Variants in NAPEPLD observed in about 807,000 individuals in gnomAD.
NAPEPLD encodes N-acyl phosphatidylethanolamine phospholipase D.
Under a neutral mutation model 38.1 loss-of-function variants are expected in NAPEPLD, and 23 were observed. The observed-to-expected ratio is 0.60, with a 90% CI of 0.43 to 0.86. The LOEUF (loss-of-function observed/expected upper bound fraction) is 0.86, where lower values mean the gene tolerates loss of function less well. Ranked by LOEUF, NAPEPLD falls within the 40% of genes least tolerant of loss-of-function variation. The pLI is 0.00. For missense variants in NAPEPLD, 411 were observed against 476.8 expected (o/e 0.86, Z 1.28); for synonymous variants, 147 against 162.0 (o/e 0.91, Z 0.71).
intron 3 of NAPEPLD, among the ~76,000 whole-genome samples, chr7:103,118,905 C>T (rs1806069154): frequency 1.3e-5 from 2 of 152,192 alleles, no homozygotes; most frequent in South Asian, 4.1e-4. Flanking sequence ...AGTAGTACAA[C>T]ACCACCATGA....
intron 4 of NAPEPLD, among the ~76,000 whole-genome samples, chr7:103,113,542 A>G (rs1021319618): frequency 9.3e-5 from 14 of 150,660 alleles, no homozygotes; most frequent in African/African-American, 2.9e-4. Flanking sequence ...AAGATGCCAC[A>G]GAAAGTAAAG....
At chr7:103,143,232 A>T (rs1172180238) in intron 1 of NAPEPLD, among the ~76,000 whole-genome samples, 1 of 152,190 alleles carries the variant, frequency 6.6e-6, no homozygotes, top group Non-Finnish European at 1.5e-5. Flanking sequence ...GTCTAAGAAT[A>T]AATAAATAAA....
chr7:103,123,638 A>G (rs1322079908), intron 2 of NAPEPLD, among the ~76,000 whole-genome samples: 1 of 152,242 alleles, frequency 6.6e-6, no homozygotes, highest in Non-Finnish European at 1.5e-5. Context: ...ACTAACTGCT[A>G]CTGGCTACGA....
chr7:103,129,889 CTCAA>C (rs1808569336), intron 1 of NAPEPLD, among the ~76,000 whole-genome samples: 1 of 152,190 alleles, frequency 6.6e-6, no homozygotes, highest in Non-Finnish European at 1.5e-5. Flanking sequence ...AACATCACAG[CTCAA>C]TCAATGTCAG....
chr7:103,127,021 A>G (rs2129530039), intron 2 of NAPEPLD: 1 of 152,264 alleles, frequency 6.6e-6, no homozygotes, highest in South Asian at 2.1e-4. Flanking sequence ...ACTATAACTA[A>G]TAGTCATTTT....
intron 4 of NAPEPLD, among the ~76,000 whole-genome samples, chr7:103,107,992 C>T (rs1803730179): frequency 6.6e-6 from 1 of 151,932 alleles, no homozygotes. Context: ...TAAAGGGCAA[C>T]CAGAGAGAAA....
At chr7:103,118,001 G>C (rs1412200343) in intron 3 of NAPEPLD, among the ~76,000 whole-genome samples, 1 of 152,090 alleles carries the variant, frequency 6.6e-6, no homozygotes, top group African/African-American at 2.4e-5. Flanking sequence ...TAGCCAACAT[G>C]GTGAAACCCT....
chr7:103,101,379 T>C lies in NAPEPLD; in HGVS notation c.*2050A>G, dbSNP rs1165928852. 6.6e-6 allele frequency: 1 copy of C among 152,192 alleles called. No homozygotes were observed. Among genetic ancestry groups the C allele is most frequent in the Non-Finnish European group, 1.5e-5 (1 of 68,038 alleles). 9.4% of individuals were successfully genotyped at this position (152,192 alleles called of 1,614,324 possible). On this transcript the variant is annotated 3_prime_UTR_variant, in exon 5 of 5. Transcript: ENST00000465647. ...CTTGACTGATTCGCATCTTTGTAGATAAACACTAAATTTTGATAAAGATTA... is the reference window on the plus strand; with the variant it reads ...CTTGACTGATTCGCATCTTTGTAGACAAACACTAAATTTTGATAAAGATTA...
chr7:103,103,438 TTCA>T lies in NAPEPLD; in HGVS notation c.1170_1172del (p.Asp390del), dbSNP rs2129525993. 3 of 1,562,672 alleles carry T rather than the reference TTCA, an allele frequency of 1.9e-6. No homozygotes were observed. The highest frequency in any genetic ancestry group is 2.4e-5 in the East Asian group (1 of 42,328). On this transcript the variant is annotated inframe_deletion, in exon 5 of 5. Transcript: ENST00000465647. ...CCTGTGCTCACATTTATTAAAAGTT[TTCA>T]TCATCATTATTTAGGTATCTTGATT... is the stretch of plus-strand genomic sequence containing the variant.
rs560210666 is a variant in NAPEPLD, at chr7:103,138,632, C to G, written c.-16-9840G>C. 5.3e-5 allele frequency among the ~76,000 whole-genome samples: 8 copies of G among 152,218 alleles called. No individual in the cohort carries two copies. In the South Asian group the frequency reaches 8.3e-4, roughly 16 times the overall value. Reference sequence around the variant, plus strand: ...CGCAGGCACGCACCACCACACCCAGCTAATTTTTTGTATTTTTAGTAGAGA... The same window carrying G: ...CGCAGGCACGCACCACCACACCCAGGTAATTTTTTGTATTTTTAGTAGAGA... On this transcript the variant is annotated intron_variant, in intron 1 of 4. Transcript: ENST00000465647.
intron 4 of NAPEPLD, among the ~76,000 whole-genome samples, chr7:103,105,932 CAAAAAAAAAA>C (rs1194781765): frequency 1.2e-4 from 6 of 49,984 alleles, no homozygotes; most frequent in East Asian, 6.6e-4. Context: ...GACTCCGTCT[CAAAAAAAAAA>C]AAAAAAAAAA....
intron 1 of NAPEPLD, among the ~76,000 whole-genome samples, chr7:103,132,957 C>A (rs1809265117): frequency 6.6e-6 from 1 of 152,208 alleles, no homozygotes; most frequent in South Asian, 2.1e-4. Context: ...GGAAACAGGT[C>A]TCATTACCAA....
chr7:103,134,160 T>C (rs1032158292), intron 1 of NAPEPLD, among the ~76,000 whole-genome samples: 2 of 152,198 alleles, frequency 1.3e-5, no homozygotes, highest in Admixed American at 6.5e-5. Flanking sequence ...AATAAATACG[T>C]TGGGACAGGA....
upstream of NAPEPLD, chr7:103,149,243 G>C (rs1482177312): frequency 4.0e-6 from 4 of 997,458 alleles, no homozygotes; most frequent in Non-Finnish European, 4.8e-6. Flanking sequence ...CGCGCGGCCA[G>C]AGCGGCGGGG....
chr7:103,120,695 A>ATTTTTTTTTTTT (rs1563355903), intron 2 of NAPEPLD, among the ~76,000 whole-genome samples: 1 of 33,006 alleles, frequency 3.0e-5, no homozygotes, highest in Non-Finnish European at 6.9e-5. Flanking sequence ...TGAATCTGAT[A>ATTTTTTTTTTTT]TTTTTCTTTT....
At chr7:103,118,260 T>C (rs182101068) in intron 3 of NAPEPLD, among the ~76,000 whole-genome samples, 3 of 152,344 alleles carry the variant, frequency 2.0e-5, no homozygotes, top group African/African-American at 7.2e-5. Context: ...AACTGATTTG[T>C]AACAGTTCTA....
At chr7:103,136,587 CAAAA>C (rs10708983) in intron 1 of NAPEPLD, among the ~76,000 whole-genome samples, 4 of 96,156 alleles carry the variant, frequency 4.2e-5, no homozygotes, top group Non-Finnish European at 6.7e-5. Flanking sequence ...CTCTGTCTCA[CAAAA>C]AAAAAAAAAA....
intron 4 of NAPEPLD, among the ~76,000 whole-genome samples, chr7:103,109,926 G>C (rs1804178959): frequency 6.6e-6 from 1 of 152,136 alleles, no homozygotes; most frequent in Non-Finnish European, 1.5e-5. Context: ...TACCATCAAA[G>C]AATACTATCA....
intron 2 of NAPEPLD, among the ~76,000 whole-genome samples, chr7:103,123,434 T>A (rs138379862): frequency 6.6e-6 from 1 of 152,172 alleles, no homozygotes. Flanking sequence ...GGTATACTTA[T>A]CCAGAATTAA....
Sources: allele counts gnomAD v4.1 joint callset (sites outside exome capture counted in the v4.1 genomes callset), GRCh38; gene constraint gnomAD v4.1.1; transcripts MANE v1.5; gene names NCBI Gene and HGNC (gene_info 2026-07-23, HGNC 2026-07-21).